Variants in TMPRSS7 observed in about 807,000 individuals in gnomAD.
TMPRSS7 encodes the protein transmembrane protease serine 7.
In TMPRSS7, 81 loss-of-function variants were observed where a neutral mutation model predicts 95.6. That is an observed-to-expected ratio of 0.85 (90% CI 0.71 to 1.02). The LOEUF (loss-of-function observed/expected upper bound fraction) is 1.02. Ranked by LOEUF, TMPRSS7 falls within the 50% of genes least tolerant of loss-of-function variation. The probability of loss-of-function intolerance (pLI) is 0.00; values close to 1 mark genes in which losing one functional copy is unlikely to be tolerated. For missense variants in TMPRSS7, 945 were observed against 955.2 expected (o/e 0.99, Z 0.14); for synonymous variants, 364 against 337.8 (o/e 1.08, Z -0.85).
chr3:112,063,389 A>T, intron 11 of TMPRSS7, 136 bp from the exon 12 acceptor site: 2 of 663,138 alleles, frequency 3.0e-6, no homozygotes, highest in Non-Finnish European at 5.3e-6. Context: ...CCTTCATTTG[A>T]TGAAGACACT....
chr3:112,068,105 T>C (rs1432525095), intron 13 of TMPRSS7, among the ~76,000 whole-genome samples: 1 of 152,220 alleles, frequency 6.6e-6, no homozygotes, highest in East Asian at 1.9e-4. Flanking sequence ...TTCTTGTTTT[T>C]GTCAGGTTTG....
chr3:112,058,755 A>G (rs2073463957), intron 10 of TMPRSS7, among the ~76,000 whole-genome samples: 1 of 152,054 alleles, frequency 6.6e-6, no homozygotes, highest in African/African-American at 2.4e-5. Flanking sequence ...AAATCACAAC[A>G]ACGACCCGGG....
intron 13 of TMPRSS7, among the ~76,000 whole-genome samples, chr3:112,073,351 C>T (rs2073674100): frequency 6.6e-6 from 1 of 152,132 alleles, no homozygotes; most frequent in Non-Finnish European, 1.5e-5. Context: ...GCCTCAGCCT[C>T]CCAAAGTGCT....
chr3:112,059,193 GA>G (rs2073471118), intron 10 of TMPRSS7, among the ~76,000 whole-genome samples: 1 of 152,196 alleles, frequency 6.6e-6, no homozygotes, highest in Non-Finnish European at 1.5e-5. Flanking sequence ...TAGCAGGACA[GA>G]ACTGCTTTGG....
intron 5 of TMPRSS7, among the ~76,000 whole-genome samples, chr3:112,046,183 G>A (rs1217716611): frequency 6.6e-6 from 1 of 152,170 alleles, no homozygotes; most frequent in East Asian, 1.9e-4. Flanking sequence ...GTATTACTGT[G>A]TACCTCTACC....
chr3:112,066,897 G>A (rs940972451), intron 13 of TMPRSS7, among the ~76,000 whole-genome samples: 1 of 151,932 alleles, frequency 6.6e-6, no homozygotes, highest in African/African-American at 2.4e-5. Context: ...TGTTACATAG[G>A]TATACTTGTG....
At chr3:112,070,855 G>A (rs1294952291) in intron 13 of TMPRSS7, among the ~76,000 whole-genome samples, 2 of 152,180 alleles carry the variant, frequency 1.3e-5, no homozygotes, top group Non-Finnish European at 2.9e-5. Context: ...GTATACATGT[G>A]CCATGTTGGT....
chr3:112,078,812 C>T, exon 17 of TMPRSS7: 1 of 1,614,194 alleles, frequency 6.2e-7, no homozygotes, highest in Non-Finnish European at 8.5e-7. Context: ...GTGTTTCCAC[C>T]TACGGGATCA....
intron 10 of TMPRSS7, among the ~76,000 whole-genome samples, chr3:112,059,426 A>G (rs1164675424): frequency 1.3e-5 from 2 of 152,096 alleles, no homozygotes; most frequent in Admixed American, 6.6e-5. Context: ...CTCCCCCTTT[A>G]AACTCCAGCC....
intron 10 of TMPRSS7, among the ~76,000 whole-genome samples, chr3:112,058,148 CTA>C (rs1424046636): frequency 6.6e-6 from 1 of 152,216 alleles, no homozygotes; most frequent in East Asian, 1.9e-4. Context: ...CATTGTTATT[CTA>C]TGAGTGAAAC....
At chr3:112,061,885 C>T in exon 11 of TMPRSS7, 1 of 1,611,690 alleles carries the variant, frequency 6.2e-7, no homozygotes. Context: ...TCAGACAAGC[C>T]ACTTTTGGCA....
At chr3:112,070,965 T>C (rs1258587796) in intron 13 of TMPRSS7, among the ~76,000 whole-genome samples, 1 of 152,270 alleles carries the variant, frequency 6.6e-6, no homozygotes, top group Non-Finnish European at 1.5e-5. Context: ...AATATTGTTA[T>C]GTGTGAATTT....
intron 9 of TMPRSS7, among the ~76,000 whole-genome samples, chr3:112,054,637 AC>A (rs542833546): frequency 4.0e-5 from 6 of 150,936 alleles, no homozygotes; most frequent in Admixed American, 6.6e-5. Flanking sequence ...AAAATGCCTA[AC>A]TGAGCTTCTT....
At chr3:112,073,877 G>T (rs1478510188) in intron 13 of TMPRSS7, among the ~76,000 whole-genome samples, 2 of 152,200 alleles carry the variant, frequency 1.3e-5, no homozygotes, top group African/African-American at 4.8e-5. Flanking sequence ...GAACAAATGT[G>T]TTGTAATTCA....
At chr3:112,046,936 T>C in intron 5 of TMPRSS7, 38 bp from the exon 6 acceptor site, 1 of 698,054 alleles carries the variant, frequency 1.4e-6, no homozygotes, top group South Asian at 1.5e-5. Flanking sequence ...AATGAAATGA[T>C]AGGATTCAAT....
intron 11 of TMPRSS7, among the ~76,000 whole-genome samples, chr3:112,062,142 A>G (rs2107752728): frequency 6.6e-6 from 1 of 151,880 alleles, no homozygotes; most frequent in East Asian, 1.9e-4. Flanking sequence ...TGAATTATTA[A>G]AGAAATAATA....
intron 12 of TMPRSS7, among the ~76,000 whole-genome samples, chr3:112,065,300 C>G (rs1179043620): frequency 6.6e-6 from 1 of 152,166 alleles, no homozygotes. Context: ...CCTTGGCTTC[C>G]CAAACTGCTG....
At chr3:112,076,733 T>A in intron 15 of TMPRSS7, 143 bp from the exon 16 acceptor site, 1 of 955,908 alleles carries the variant, frequency 1.0e-6, no homozygotes, top group South Asian at 1.7e-5. Context: ...TCTGCCATGG[T>A]CCCCGGACAA....
intron 10 of TMPRSS7, among the ~76,000 whole-genome samples, chr3:112,061,338 A>G (rs1032338940): frequency 2.6e-4 from 40 of 152,224 alleles, no homozygotes; most frequent in African/African-American, 7.5e-4. Flanking sequence ...TCAGATTTCA[A>G]TTTAGACTGA....
Sources: gnomAD v4.1 joint callset for allele counts (sites outside exome capture counted in the v4.1 genomes callset) on GRCh38, gnomAD v4.1.1 for gene constraint, MANE v1.5 for transcripts, NCBI Gene and HGNC (gene_info 2026-07-23, HGNC 2026-07-21) for gene names.